The following CTNNAL1 variants were observed in gnomAD, a reference collection of about 807,000 sequenced individuals.
CTNNAL1 encodes catenin alpha like 1.
A neutral mutation model predicts 93.6 loss-of-function variants in CTNNAL1; 69 were observed. The observed-to-expected ratio is 0.74, with a 90% CI of 0.61 to 0.90. The LOEUF (loss-of-function observed/expected upper bound fraction) is 0.90. CTNNAL1 is among the 40% of genes least tolerant of loss of function. CTNNAL1 has a pLI of 0.00. For missense variants in CTNNAL1, 836 were observed against 862.0 expected (o/e 0.97, Z 0.38); for synonymous variants, 286 against 305.4 (o/e 0.94, Z 0.66).
At chr9:108,991,950 T>G (rs1831821961) in intron 3 of CTNNAL1, 2 of 678,178 alleles carry the variant, frequency 2.9e-6, no homozygotes. Flanking sequence ...AAATCTGTTC[T>G]GTAAGTTTTG....
At position 108,983,281 on chromosome 9, in the gene CTNNAL1, T is replaced by C. The variant is rs2132154482; in HGVS notation, c.764A>G (p.His255Arg). ...GTCAAATACTCCTTCTTTGTTTTTA[T>C]GGGCTGATTCGCAGTTAGGATGCCT... is the stretch of plus-strand genomic sequence containing the variant. The part of the protein sequence containing the change: ...CLRHPNCESA[H>R]KNKEGVFDRM... Residue 255 changes from histidine to arginine, a missense_variant, in exon 6 of 19, where the codon CAT (histidine) becomes CGT (arginine). Coordinates refer to ENST00000325551, the MANE Select transcript of CTNNAL1 (RefSeq NM_003798.4). 1.9e-6 allele frequency: 3 copies of C among 1,569,480 alleles called. No homozygotes were observed. In the South Asian group the frequency reaches 3.6e-5, roughly 19 times the overall value.
chr9:108,972,665 G>T lies in CTNNAL1; in HGVS notation c.1347+10C>A. On this transcript the variant is annotated intron_variant, in intron 9 of 18. Coordinates refer to ENST00000325551, the MANE Select transcript of CTNNAL1 (RefSeq NM_003798.4). ...TAAACTACAATTTCTTTAGCACCTTGTTTACTCACCTCAACAAGCTGCTCT... is the reference window on the plus strand; with the variant it reads ...TAAACTACAATTTCTTTAGCACCTTTTTTACTCACCTCAACAAGCTGCTCT... 6.2e-7 allele frequency: 1 copy of T among 1,603,826 alleles called. No individual in the cohort carries two copies. The highest frequency in any genetic ancestry group is 8.5e-7 in the Non-Finnish European group (1 of 1,176,334).
intron 8 of CTNNAL1, among the ~76,000 whole-genome samples, chr9:108,974,960 T>C (rs540728749): frequency 2.6e-5 from 4 of 152,084 alleles, no homozygotes; most frequent in African/African-American, 9.6e-5. Context: ...GTCAGGAGTT[T>C]GAGACCAGCC....
At chr9:108,963,300 C>G (rs1003513900) in intron 11 of CTNNAL1, among the ~76,000 whole-genome samples, 1 of 152,152 alleles carries the variant, frequency 6.6e-6, no homozygotes, top group African/African-American at 2.4e-5. Flanking sequence ...TTAGAAACTG[C>G]GAGCATCTCA....
At chr9:109,012,707 A>G (rs1827242196) in intron 1 of CTNNAL1, among the ~76,000 whole-genome samples, 1 of 152,198 alleles carries the variant, frequency 6.6e-6, no homozygotes, top group Non-Finnish European at 1.5e-5. Flanking sequence ...GGCAGAAGTG[A>G]GCAGCAGCAG....
intron 2 of CTNNAL1, among the ~76,000 whole-genome samples, chr9:108,993,118 T>C (rs1831875741): frequency 6.6e-6 from 1 of 152,166 alleles, no homozygotes; most frequent in African/African-American, 2.4e-5. Flanking sequence ...CCTCCTGCCC[T>C]ACAAGACAGT....
At chr9:109,011,074 T>C (rs1189812240) in intron 1 of CTNNAL1, among the ~76,000 whole-genome samples, 1 of 152,262 alleles carries the variant, frequency 6.6e-6, no homozygotes, top group Non-Finnish European at 1.5e-5. Context: ...AGTTGGGTAA[T>C]AATACAGCAT....
At position 108,944,035 on chromosome 9, in the gene CTNNAL1, ACAC is replaced by A. The variant is rs1458680080; in HGVS notation, c.1885-20_1885-18del. On this transcript the variant is annotated intron_variant, in intron 15 of 18. Transcript: ENST00000325551. ...AGCAAAAACCTGGTAGAAAGAGAAA[ACAC>A]CACTATTTTAGACTGATGTCTATGG... 7.5e-6 allele frequency: 12 copies of A among 1,610,532 alleles called. 1 individual carries two copies. In the Admixed American group the frequency reaches 1.8e-4, roughly 25 times the overall value.
intron 4 of CTNNAL1, among the ~76,000 whole-genome samples, chr9:108,986,603 A>C (rs201269981): frequency 0.049 from 7,450 of 151,446 alleles, 286 homozygotes; most frequent in South Asian, 0.12. Context: ...GAATCGCCAC[A>C]CTGACTTCCA....
intron 15 of CTNNAL1, among the ~76,000 whole-genome samples, chr9:108,944,251 C>T (rs1043943201): frequency 1.3e-5 from 2 of 152,202 alleles, no homozygotes; most frequent in South Asian, 4.1e-4. Flanking sequence ...GGCTTCTCTA[C>T]ACCAGACCTC....
chr9:108,960,479 G>A (rs550398417), intron 11 of CTNNAL1, among the ~76,000 whole-genome samples: 4 of 152,182 alleles, frequency 2.6e-5, no homozygotes, highest in South Asian at 2.1e-4. Flanking sequence ...TCTGCCAAAC[G>A]ATAATGTAAA....
At chr9:108,971,866 A>G (rs1342911100) in intron 9 of CTNNAL1, among the ~76,000 whole-genome samples, 2 of 152,236 alleles carry the variant, frequency 1.3e-5, no homozygotes, top group African/African-American at 2.4e-5. Flanking sequence ...CAGGTGAAGC[A>G]TCAGTAACTC....
chr9:108,985,077 A>G (rs554143844), intron 4 of CTNNAL1, among the ~76,000 whole-genome samples: 246 of 152,350 alleles, frequency 1.6e-3, no homozygotes, highest in African/African-American at 5.8e-3. Flanking sequence ...CAGAGCCCTC[A>G]ATAGAATGTG....
chr9:108,959,204 A>G (rs1830762854), intron 11 of CTNNAL1, among the ~76,000 whole-genome samples: 1 of 143,080 alleles, frequency 7.0e-6, no homozygotes, highest in African/African-American at 2.6e-5. Flanking sequence ...CTAAAAATAC[A>G]AAAAAAAAAA....
intron 3 of CTNNAL1, chr9:108,991,844 T>C (rs1188358898): frequency 2.0e-6 from 1 of 505,446 alleles, no homozygotes; most frequent in Non-Finnish European, 3.5e-6. Flanking sequence ...TAGGGAATTA[T>C]CCAAAGCAAG....
chr9:108,991,860 A>ATCG lies in CTNNAL1; in HGVS notation c.519+769_519+771dup, dbSNP rs1391269908. 56 of 543,504 alleles carry ATCG rather than the reference A, an allele frequency of 1.0e-4. No homozygotes were observed. In the African/African-American group the frequency reaches 1.0e-3, roughly 10 times the overall value. The allele number at this position is 543,504 out of a possible 1,614,324, so 33.7% of individuals were successfully genotyped here. A position where few individuals can be genotyped will look rare whatever the true frequency, so the allele number is the denominator to read the frequency against. On this transcript the variant is annotated intron_variant, in intron 3 of 18. Coordinates refer to ENST00000325551, the MANE Select transcript of CTNNAL1 (RefSeq NM_003798.4). ...AGGGAATTATCCAAAGCAAGAAGTG[A>ATCG]TCGTACATACCCTGGATTCCCAGAT...
intron 1 of CTNNAL1, among the ~76,000 whole-genome samples, chr9:109,011,561 A>T (rs1322743703): frequency 1.3e-5 from 2 of 152,168 alleles, no homozygotes; most frequent in African/African-American, 4.8e-5. Flanking sequence ...ATTTCTCCAG[A>T]TTATGACTTT....
At chr9:108,979,560 G>C in intron 6 of CTNNAL1, 79 bp from the exon 7 acceptor site, 2 of 1,336,694 alleles carry the variant, frequency 1.5e-6, no homozygotes, top group Non-Finnish European at 2.1e-6. Flanking sequence ...ATTTCTAACA[G>C]TGCCCAGGAA....
chr9:108,991,073 T>G (rs2132173996), intron 3 of CTNNAL1, among the ~76,000 whole-genome samples: 1 of 152,096 alleles, frequency 6.6e-6, no homozygotes, highest in East Asian at 1.9e-4. Flanking sequence ...TTGAGTTACT[T>G]GAAAAGGAAA....
Sources: gnomAD v4.1 joint callset for allele counts (sites outside exome capture counted in the v4.1 genomes callset) on GRCh38, gnomAD v4.1.1 for gene constraint, MANE v1.5 for transcripts, NCBI Gene and HGNC (gene_info 2026-07-23, HGNC 2026-07-21) for gene names.